GRIK2: variants seen among roughly 807,000 people sequenced by gnomAD.
The protein encoded by GRIK2 is glutamate receptor ionotropic, kainate 2.
GRIK2 carries 32 observed loss-of-function variants against 100.3 expected under a neutral mutation model. The observed-to-expected ratio is 0.32, with a 90% CI of 0.24 to 0.43. GRIK2 has a LOEUF of 0.43. Ranked by LOEUF, GRIK2 falls within the 20% of genes least tolerant of loss-of-function variation. The pLI, the probability that GRIK2 is intolerant of heterozygous loss-of-function variation, is 1.00. For missense variants in GRIK2, 843 were observed against 1,114.9 expected, an observed-to-expected ratio of 0.76 and a Z score of 3.47; for synonymous variants, 417 against 389.4, an observed-to-expected ratio of 1.07 and a Z score of -0.83.
At chr6:101,672,178 C>G (rs1382068802) in intron 4 of GRIK2, among the ~76,000 whole-genome samples, 1 of 152,158 alleles carries the variant, frequency 6.6e-6, no homozygotes, top group African/African-American at 2.4e-5. Flanking sequence ...AACAACCAAC[C>G]CGCACAACCC....
chr6:102,005,298 C>T (rs1795153964), intron 14 of GRIK2, among the ~76,000 whole-genome samples: 1 of 151,744 alleles, frequency 6.6e-6, no homozygotes, highest in Admixed American at 6.6e-5. Context: ...AAATGCTGAT[C>T]TTCAAATAAA....
intron 2 of GRIK2, among the ~76,000 whole-genome samples, chr6:101,506,475 T>C (rs1250116422): frequency 1.3e-5 from 2 of 152,152 alleles, no homozygotes; most frequent in Admixed American, 6.6e-5. Context: ...TATTTCTAAA[T>C]ATATGATTTC....
intron 2 of GRIK2, among the ~76,000 whole-genome samples, chr6:101,499,112 T>A (rs13194051): frequency 0.26 from 39,779 of 151,990 alleles, 5,382 homozygotes; most frequent in Middle Eastern, 0.33. Context: ...TTACACCTTA[T>A]ACAAAAATTA....
intron 2 of GRIK2, chr6:101,431,069 G>T: frequency 3.9e-6 from 1 of 255,388 alleles, no homozygotes; most frequent in Non-Finnish European, 8.4e-6. Context: ...ATACATGGCA[G>T]GGGGTATCCA....
intron 2 of GRIK2, among the ~76,000 whole-genome samples, chr6:101,523,559 C>T (rs943530434): frequency 6.6e-6 from 1 of 151,974 alleles, no homozygotes; most frequent in Non-Finnish European, 1.5e-5. Context: ...AATGCTTGGG[C>T]ACATTGAAAA....
rs574852787 is a variant in GRIK2, at chr6:101,721,680, C to T, written c.951+35327C>T. Among the ~76,000 whole-genome samples, 353 of 152,060 alleles carry T rather than the reference C, an allele frequency of 2.3e-3. 2 individuals are homozygous for T. Among genetic ancestry groups the T allele is most frequent in the African/African-American group, 7.7e-3 (321 of 41,538 alleles). On this transcript the variant is annotated intron_variant, in intron 7 of 16. Transcript: ENST00000369134. ...TTCTTTAATAAGTTGTTCTACATTT[C>T]ATTTTTCTTTATTACCTCTTTTAAA...
chr6:102,065,103 G>A (rs944481516), intron 16 of GRIK2, among the ~76,000 whole-genome samples: 2 of 151,064 alleles, frequency 1.3e-5, no homozygotes, highest in African/African-American at 2.4e-5. Context: ...TTATGTAATC[G>A]AGACCATTGA....
At chr6:101,746,698 T>C (rs550089521) in intron 7 of GRIK2, among the ~76,000 whole-genome samples, 12 of 152,314 alleles carry the variant, frequency 7.9e-5, no homozygotes, top group African/African-American at 2.6e-4. Context: ...TTGACTTGTT[T>C]GTTCTATTAA....
At chr6:101,730,296 C>G (rs776278467) in intron 7 of GRIK2, among the ~76,000 whole-genome samples, 1 of 151,824 alleles carries the variant, frequency 6.6e-6, no homozygotes, top group Non-Finnish European at 1.5e-5. Flanking sequence ...ATTTCTGTGT[C>G]AGTAAGAAAG....
At chr6:101,410,144 A>T (rs1775821126) in intron 2 of GRIK2, among the ~76,000 whole-genome samples, 1 of 152,140 alleles carries the variant, frequency 6.6e-6, no homozygotes, top group East Asian at 1.9e-4. Context: ...CAAAGAAATC[A>T]TGCCAAGTTC....
chr6:101,937,692 A>G (rs1790701806), intron 14 of GRIK2, among the ~76,000 whole-genome samples: 1 of 151,878 alleles, frequency 6.6e-6, no homozygotes, highest in Non-Finnish European at 1.5e-5. Flanking sequence ...AAACAAAAAA[A>G]CCCAGACTCT....
At chr6:102,064,087 C>CTGT in intron 16 of GRIK2, 1 of 875,254 alleles carries the variant, frequency 1.1e-6, no homozygotes. Flanking sequence ...TTTTTGTAGT[C>CTGT]TGTTATATTA....
intron 11 of GRIK2, among the ~76,000 whole-genome samples, chr6:101,879,004 T>C (rs753657364): frequency 6.6e-6 from 1 of 152,040 alleles, no homozygotes; most frequent in Non-Finnish European, 1.5e-5. Flanking sequence ...CTGTTCCATA[T>C]TTTCTCACTC....
chr6:101,708,202 T>A lies in GRIK2; in HGVS notation c.951+21849T>A, dbSNP rs73764509. 9.2e-3 allele frequency among the ~76,000 whole-genome samples: 1,391 copies of A among 151,862 alleles called. 16 individuals carry two copies. Among genetic ancestry groups the A allele is most frequent in the African/African-American group, 0.031 (1,302 of 41,492 alleles). ...TATTTAACACTATTAAATTCCTTAA[T>A]AGACTACACCATAAACTCTACAATA... On this transcript the variant is annotated intron_variant, in intron 7 of 16. Transcript: ENST00000369134.
At chr6:101,957,611 A>G (rs1406072812) in intron 14 of GRIK2, among the ~76,000 whole-genome samples, 2 of 151,882 alleles carry the variant, frequency 1.3e-5, no homozygotes, top group Admixed American at 6.6e-5. Flanking sequence ...GTTTTGGCCA[A>G]TGTCCAGAAG....
chr6:102,000,795 G>C (rs551290307), intron 14 of GRIK2, among the ~76,000 whole-genome samples: 24 of 152,070 alleles, frequency 1.6e-4, no homozygotes, highest in Admixed American at 1.5e-3. Context: ...GATCAATCTA[G>C]TTTAAGCCTG....
chr6:102,009,293 A>G (rs1484944721), intron 14 of GRIK2, among the ~76,000 whole-genome samples: 1 of 151,934 alleles, frequency 6.6e-6, no homozygotes, highest in Non-Finnish European at 1.5e-5. Context: ...TACAATGATT[A>G]TTTCTTGTTG....
chr6:101,708,572 A>G (rs756271962), intron 7 of GRIK2, among the ~76,000 whole-genome samples: 10 of 151,696 alleles, frequency 6.6e-5, no homozygotes, highest in Non-Finnish European at 1.0e-4. Flanking sequence ...TTACTACAAT[A>G]TATGGGCATA....
intron 2 of GRIK2, among the ~76,000 whole-genome samples, chr6:101,508,845 G>C (rs749707799): frequency 6.6e-6 from 1 of 152,084 alleles, no homozygotes; most frequent in African/African-American, 2.4e-5. Flanking sequence ...TGCCAAGTGT[G>C]AATTTTCCAT....
Sources: gnomAD v4.1 joint callset for allele counts (sites outside exome capture counted in the v4.1 genomes callset) on GRCh38, gnomAD v4.1.1 for gene constraint, MANE v1.5 for transcripts, NCBI Gene and HGNC (gene_info 2026-07-23, HGNC 2026-07-21) for gene names.